Variants in SRBD1 observed in about 807,000 individuals in gnomAD.
The protein encoded by SRBD1 is S1 RNA binding domain 1, also known as S1 RNA-binding domain-containing protein 1.
In SRBD1, 88 loss-of-function variants were observed where a neutral mutation model predicts 115.3. The observed-to-expected ratio is 0.76, with a 90% CI of 0.64 to 0.91. SRBD1 has a LOEUF of 0.91. SRBD1 is among the 40% of genes least tolerant of loss of function. SRBD1 has a pLI of 0.00. For missense variants in SRBD1, 1,385 were observed against 1,177.4 expected, an observed-to-expected ratio of 1.18 and a Z score of -2.58; for synonymous variants, 509 against 407.7, an observed-to-expected ratio of 1.25 and a Z score of -2.99.
At chr2:45,515,220 G>A (rs1049136791) in intron 14 of SRBD1, among the ~76,000 whole-genome samples, 1 of 152,092 alleles carries the variant, frequency 6.6e-6, no homozygotes, top group Non-Finnish European at 1.5e-5. Context: ...CAGTTTCTAT[G>A]GTCAGACACT....
At chr2:45,606,581 T>C (rs1674282036) in intron 1 of SRBD1, among the ~76,000 whole-genome samples, 1 of 152,222 alleles carries the variant, frequency 6.6e-6, no homozygotes, top group South Asian at 2.1e-4. Context: ...ATCATTCCCT[T>C]ATAATAAAAG....
Position 45,418,349 on chromosome 2 carries a change from GTA to G in SRBD1, c.2333+14_2333+15del. ...AGGAGGTTGACAATAGAATCAAAGT[GTA>G]TACTTATACTCACCTGCAAAACGTT... On this transcript the variant is annotated intron_variant, in intron 18 of 20. Transcript: ENST00000263736. The G allele has an allele frequency of 6.2e-7, 1 of 1,610,430 alleles. No homozygotes were observed. The highest frequency in any genetic ancestry group is 8.5e-7 in the Non-Finnish European group (1 of 1,178,122).
At chr2:45,455,054 AC>A (rs1242151122) in intron 16 of SRBD1, among the ~76,000 whole-genome samples, 2 of 151,850 alleles carry the variant, frequency 1.3e-5, no homozygotes, top group Non-Finnish European at 2.9e-5. Flanking sequence ...TACACCCACC[AC>A]ACACACAATT....
chr2:45,479,206 T>G (rs920383034), intron 15 of SRBD1, among the ~76,000 whole-genome samples: 3 of 152,086 alleles, frequency 2.0e-5, no homozygotes, highest in African/African-American at 7.2e-5. Flanking sequence ...ACAACGGTAT[T>G]GAAATCAGGC....
chr2:45,457,883 T>C (rs919665197), intron 16 of SRBD1, among the ~76,000 whole-genome samples: 4 of 151,996 alleles, frequency 2.6e-5, no homozygotes, highest in Non-Finnish European at 5.9e-5. Context: ...ACAAACACAA[T>C]GCAAATGAGA....
intron 6 of SRBD1, among the ~76,000 whole-genome samples, chr2:45,581,171 T>A (rs1007399203): frequency 1.3e-5 from 2 of 152,128 alleles, no homozygotes; most frequent in Non-Finnish European, 2.9e-5. Context: ...ATGACCTCCA[T>A]CTAAAACTCT....
At chr2:45,405,437 T>C (rs1442351339) in intron 19 of SRBD1, among the ~76,000 whole-genome samples, 1 of 151,522 alleles carries the variant, frequency 6.6e-6, no homozygotes, top group Admixed American at 6.6e-5. Context: ...AAACATAGAG[T>C]TTCCATTGCT....
chr2:45,505,609 C>T (rs1029361671), intron 14 of SRBD1, among the ~76,000 whole-genome samples: 2 of 152,176 alleles, frequency 1.3e-5, no homozygotes, highest in African/African-American at 4.8e-5. Flanking sequence ...TCTCAAGATC[C>T]TTTTCAGTTA....
At chr2:45,600,922 C>G (rs1469988278) in intron 3 of SRBD1, among the ~76,000 whole-genome samples, 1 of 152,148 alleles carries the variant, frequency 6.6e-6, no homozygotes, top group East Asian at 1.9e-4. Context: ...CACCTGAATG[C>G]CAACCTGCCA....
At position 45,475,424 on chromosome 2, in the gene SRBD1, C is replaced by A. The variant is rs375536564; in HGVS notation, c.2049+1569G>T. 3.3e-5 allele frequency among the ~76,000 whole-genome samples: 5 copies of A among 152,288 alleles called. No individual in the cohort carries two copies. The South Asian group carries it at 8.3e-4, about 25-fold the overall frequency. ...ATATAAATCAGATTGTGCCACCCCC[C>A]CTTGCTTAAACCTCTTCTATTACTT... On this transcript the variant is annotated intron_variant, in intron 16 of 20. Coordinates refer to ENST00000263736, the MANE Select transcript of SRBD1 (RefSeq NM_018079.5).
intron 16 of SRBD1, chr2:45,447,481 T>C (rs1401522507): frequency 6.6e-6 from 1 of 152,088 alleles, no homozygotes; most frequent in Non-Finnish European, 1.5e-5. Flanking sequence ...ATGTCACATT[T>C]CCTAAATGGG....
At chr2:45,523,975 C>G (rs571364163) in intron 14 of SRBD1, among the ~76,000 whole-genome samples, 1 of 151,984 alleles carries the variant, frequency 6.6e-6, no homozygotes, top group South Asian at 2.1e-4. Flanking sequence ...GGGATTTATC[C>G]CAAAAATGCA....
chr2:45,506,781 CT>C (rs1670812170), intron 14 of SRBD1, among the ~76,000 whole-genome samples: 1 of 152,162 alleles, frequency 6.6e-6, no homozygotes, highest in Non-Finnish European at 1.5e-5. Flanking sequence ...CACGTATGTT[CT>C]ACAGTTTAAA....
chr2:45,561,774 C>T (rs1434246506), intron 10 of SRBD1, among the ~76,000 whole-genome samples: 1 of 152,268 alleles, frequency 6.6e-6, no homozygotes, highest in Middle Eastern at 3.4e-3. Flanking sequence ...TTTTAAAAGG[C>T]TCCCTTAACA....
At position 45,585,651 on chromosome 2, in the gene SRBD1, CA is replaced by C. The variant is rs1490126940; in HGVS notation, c.771del (p.Asp257GlufsTer5). ...RYRKELINNL[D>X]ADSLREVQQT... ...TGCTGAACTTCTCTCAAGGAATCAG[CA>C]TCAAGGTTATTAATGAGCTCTTTTC... is the stretch of plus-strand genomic sequence containing the variant. On this transcript the variant is annotated frameshift_variant, in exon 5 of 21. Transcript: ENST00000263736. LOFTEE classifies it high-confidence loss of function. 6.2e-7 allele frequency: 1 copy of C among 1,611,916 alleles called. No individual in the cohort carries two copies. The highest frequency in any genetic ancestry group is 1.3e-5 in the African/African-American group (1 of 74,754).
chr2:45,510,487 CT>C (rs1670933897), intron 14 of SRBD1, among the ~76,000 whole-genome samples: 1 of 152,138 alleles, frequency 6.6e-6, no homozygotes, highest in African/African-American at 2.4e-5. Context: ...AATCTTTCCA[CT>C]GTGTTAGACT....
At chr2:45,543,446 C>T (rs568184193) in intron 14 of SRBD1, among the ~76,000 whole-genome samples, 19 of 152,102 alleles carry the variant, frequency 1.2e-4, no homozygotes, top group Non-Finnish European at 2.4e-4. Flanking sequence ...TTGGAAGGAA[C>T]AGATAAGAGG....
chr2:45,410,533 CA>C (rs1438066197), intron 19 of SRBD1, among the ~76,000 whole-genome samples: 9 of 152,188 alleles, frequency 5.9e-5, no homozygotes, highest in Admixed American at 5.9e-4. Flanking sequence ...TGTTTCCCTG[CA>C]AAAAGCTCCT....
intron 14 of SRBD1, among the ~76,000 whole-genome samples, chr2:45,531,671 G>C (rs909068944): frequency 4.1e-5 from 6 of 145,242 alleles, no homozygotes; most frequent in African/African-American, 1.3e-4. Context: ...GAAGTAACCA[G>C]GGTTTCAAAA....
Sources: gnomAD v4.1 joint callset for allele counts (sites outside exome capture counted in the v4.1 genomes callset) on GRCh38, gnomAD v4.1.1 for gene constraint, MANE v1.5 for transcripts, NCBI Gene and HGNC (gene_info 2026-07-23, HGNC 2026-07-21) for gene names.